The following SEPTIN4 variants were observed in gnomAD, a reference collection of about 807,000 sequenced individuals.
SEPTIN4 encodes septin-4.
Under a neutral mutation model 107.1 loss-of-function variants are expected in SEPTIN4, and 52 were observed. The observed-to-expected ratio is 0.49, with a 90% CI of 0.39 to 0.61. The LOEUF is 0.61. Ranked by LOEUF, SEPTIN4 falls within the 20% of genes least tolerant of loss-of-function variation. The probability of loss-of-function intolerance (pLI) is 0.00; values close to 1 mark genes in which losing one functional copy is unlikely to be tolerated. For missense variants in SEPTIN4, 1,048 were observed against 1,243.5 expected, an observed-to-expected ratio of 0.84 and a Z score of 2.36; for synonymous variants, 417 against 467.0, an observed-to-expected ratio of 0.89 and a Z score of 1.38.
chr17:58,524,212 G>A (rs1471155930), intron 7 of SEPTIN4, among the ~76,000 whole-genome samples: 1 of 152,118 alleles, frequency 6.6e-6, no homozygotes, highest in Non-Finnish European at 1.5e-5. Flanking sequence ...CTAAGCTGGA[G>A]GTAACGGTCA....
At position 58,531,773 on chromosome 17, in the gene SEPTIN4, A is replaced by C. The variant is rs1209240624; in HGVS notation, c.1615-4795T>G. ...CACTCCGTGGCTGCTCAGAGGGAAA[A>C]ACTTGGGAGCAGCGACGCACCGCCG... On this transcript the variant is annotated intron_variant, in intron 3 of 13. Transcript: ENST00000672673. 9.3e-6 allele frequency: 4 copies of C among 429,054 alleles called. No individual in the cohort carries two copies. In the East Asian group the frequency reaches 4.4e-4, roughly 47 times the overall value. The allele number at this position is 429,054 out of a possible 1,614,324, so 26.6% of individuals were successfully genotyped here. A position where few individuals can be genotyped will look rare whatever the true frequency, so the allele number is the denominator to read the frequency against.
In SEPTIN4 at chr17:58,543,563, T is replaced by C; in HGVS notation, c.624A>G (p.Gln208=). 3 of 1,614,196 alleles carry C rather than the reference T, an allele frequency of 1.9e-6. No homozygotes were observed. Among genetic ancestry groups the C allele is most frequent in the Non-Finnish European group, 2.5e-6 (3 of 1,180,030 alleles). ...TGATCTCACTAGTAGTCGTAATTCT[T>C]TGGATGGGCTCAGTTTGTACTGCTT... The part of the protein sequence containing the change: ...KDEAVQTEPI[Q]RITTTSEIRS... The change falls in exon 1 of 14, where the codon CAA becomes CAG. Residue 208 remains glutamine (Q), a synonymous_variant. Coordinates refer to ENST00000672673, the MANE Select transcript of SEPTIN4 (RefSeq NM_001368771.2).
chr17:58,525,333 C>T lies in SEPTIN4; in HGVS notation c.2093-132G>A, dbSNP rs575368267. The T allele has an allele frequency of 5.5e-6, 6 of 1,091,640 alleles. No individual in the cohort carries two copies. In the African/African-American group the frequency reaches 9.4e-5, roughly 17 times the overall value. 67.6% of individuals were successfully genotyped at this position (1,091,640 alleles called of 1,614,324 possible). A position where few individuals can be genotyped will look rare whatever the true frequency, so the allele number is the denominator to read the frequency against. On this transcript the variant is annotated intron_variant, in intron 6 of 13. Transcript: ENST00000672673. ...GCCCCCTTCTCCACTCCCAAGCTGT[C>T]TGGGGGACTGTTCTCTGGGAACCAG...
intron 5 of SEPTIN4, 164 bp from the exon 6 acceptor site, chr17:58,525,945 T>A (rs1167598588): frequency 2.3e-6 from 2 of 867,372 alleles, no homozygotes; most frequent in South Asian, 1.8e-5. Flanking sequence ...AGAGATTGGC[T>A]TGGGGGAGCA....
In SEPTIN4 at chr17:58,526,796, G is replaced by C. The variant is rs143848009; in HGVS notation, c.1797C>G (p.Pro599=). 3.9e-4 allele frequency: 636 copies of C among 1,613,498 alleles called. 1 individual carries two copies. The highest frequency in any genetic ancestry group is 9.9e-4 in the Middle Eastern group (6 of 6,076). ...GGTTGTCAGAGGACTGGGGCCGCGA[G>C]GGGGGTCTGAACTCCAGGTCATCAT... ...LYDDDLEFRP[P]SRPQSSDNQQ... Residue 599 remains proline, a synonymous_variant, in exon 4 of 14, where the codon CCC becomes CCG. Coordinates refer to ENST00000672673, the MANE Select transcript of SEPTIN4 (RefSeq NM_001368771.2).
intron 2 of SEPTIN4, 74 bp downstream of exon 2, chr17:58,541,848 T>C: frequency 4.3e-6 from 7 of 1,614,104 alleles, no homozygotes; most frequent in Middle Eastern, 1.6e-4. Flanking sequence ...TGTAGATACA[T>C]AGATGCCACT....
rs374962187 is a variant in SEPTIN4 at position 58,526,279 on chromosome 17, G to C, written c.1946C>G (p.Pro649Arg). 3 of 1,603,724 alleles carry C rather than the reference G, an allele frequency of 1.9e-6. No homozygotes were observed. The highest frequency in any genetic ancestry group is 2.6e-6 in the Non-Finnish European group (3 of 1,175,000). Residue 649 changes from proline (P) to arginine (R), a missense_variant, in exon 5 of 14, where the codon CCC becomes CGC. This residue lies in a region of SEPTIN4 where 787 missense variants were observed against 871.8 expected (regional missense o/e 0.90). Coordinates refer to ENST00000672673, the MANE Select transcript of SEPTIN4 (RefSeq NM_001368771.2). ...CACGGACTTTCGGTGGACTTGGTTG[G>C]GGAGGGTTGCAAAGCCCACATACTC... ...DKEYVGFATL[P>R]NQVHRKSVKK...
At chr17:58,527,977 T>C (rs2144139473) in intron 3 of SEPTIN4, 1 of 985,684 alleles carries the variant, frequency 1.0e-6, no homozygotes, top group Non-Finnish European at 1.2e-6. Flanking sequence ...CCAACTCTCA[T>C]TGTCAGCTCT....
intron 6 of SEPTIN4, chr17:58,525,425 G>A: frequency 3.2e-6 from 2 of 627,836 alleles, no homozygotes; most frequent in Non-Finnish European, 5.5e-6. Flanking sequence ...CCTCTTCTCT[G>A]CTCCCGGTTT....
chr17:58,542,945 A>C lies in SEPTIN4; in HGVS notation c.1242T>G (p.Pro414=), dbSNP rs750055743. 1.9e-6 allele frequency: 3 copies of C among 1,614,048 alleles called. No individual in the cohort carries two copies. In the African/African-American group the frequency reaches 4.0e-5, roughly 22 times the overall value. Residue 414 remains proline (P), a synonymous_variant, in exon 1 of 14, where the codon CCT becomes CCG. Coordinates refer to ENST00000672673, the MANE Select transcript of SEPTIN4 (RefSeq NM_001368771.2). ...GTCCGTACCTAGGTAAGGACCGAGG[A>C]GGCAAGGGCCTAGGGGTCAGTTCCA... ...AELELTPRPL[P]PRSLPRYGPD...
rs1193581913 is a variant in SEPTIN4 at position 58,521,793 on chromosome 17, A to G, written c.2412T>C (p.Pro804=). Residue 804 remains proline, a synonymous_variant, in exon 9 of 14, where the codon CCT becomes CCC. Transcript: ENST00000672673. The surrounding 1 kb of genome is among the most constrained non-coding windows in gnomAD (Gnocchi z 6.4). ...TCAGTGTGTCTGCCTTAGCCAGGAT[A>G]GGCACGATGTTGACCCGCTGATGCA... ...KALHQRVNIV[P]ILAKADTLTP... is the part of the protein sequence containing the mutation. 4.3e-6 allele frequency: 7 copies of G among 1,614,200 alleles called. No homozygotes were observed. The highest frequency in any genetic ancestry group is 5.9e-6 in the Non-Finnish European group (7 of 1,180,034).
chr17:58,520,484 A>G lies in SEPTIN4; in HGVS notation c.2933T>C (p.Leu978Pro). 1.2e-6 allele frequency: 2 copies of G among 1,613,682 alleles called. No homozygotes were observed. Among genetic ancestry groups the G allele is most frequent in the Non-Finnish European group, 1.7e-6 (2 of 1,179,980 alleles). Residue 978 changes from leucine to proline, a missense_variant and splice_region_variant, in exon 14 of 14, where the codon CTG becomes CCG. Leu to Pro is a moderately conservative substitution (Grantham distance 98). This residue lies in a region of SEPTIN4 where 261 missense variants were observed against 371.7 expected (regional missense o/e 0.70). Coordinates refer to ENST00000672673, the MANE Select transcript of SEPTIN4 (RefSeq NM_001368771.2). ...GTGTAGCATCTCCTGCATCCGCCGC[A>G]GCTGGAATAGGCACAGGCATCAAAA... The part of the protein sequence containing the change: ...EKLIREKDEE[L>P]RRMQEMLHKI...
chr17:58,539,141 C>A (rs1258223713), intron 3 of SEPTIN4: 1 of 1,534,382 alleles, frequency 6.5e-7, no homozygotes, highest in Admixed American at 2.0e-5. Context: ...ACCAGCAGCC[C>A]AGCTGCTTGG....
At chr17:58,531,910 C>T in intron 3 of SEPTIN4, 2 of 1,131,698 alleles carry the variant, frequency 1.8e-6, no homozygotes, top group Non-Finnish European at 2.2e-6. Context: ...GCGACCGGCC[C>T]TGCGCACCCC....
At position 58,543,000 on chromosome 17, in the gene SEPTIN4, A is replaced by C; in HGVS notation, c.1187T>G (p.Leu396Arg). 1 of 1,611,976 alleles carries C rather than the reference A, an allele frequency of 6.2e-7. No individual in the cohort carries two copies. The highest frequency in any genetic ancestry group is 1.3e-5 in the African/African-American group (1 of 74,808). The stretch of plus-strand genomic sequence containing the variant: ...TGCATGGATGGAGGGCTTTTGCGAG[A>C]GTTCTGGATACCTGGGTGTAGGTCC... Reference protein sequence around the residue: ...SQGPTPRYPELSQKPSIHAEL... With the variant: ...SQGPTPRYPERSQKPSIHAEL... The change falls in exon 1 of 14, where the codon CTC becomes CGC. Residue 396 changes from leucine (L) to arginine (R), a missense_variant. Around this residue, in one of 2 missense-constraint regions of SEPTIN4, gnomAD observed 787 missense variants for 871.8 expected, o/e 0.90. Transcript: ENST00000672673.
In SEPTIN4 at chr17:58,542,895, A is replaced by C; in HGVS notation, c.1292T>G (p.Leu431Arg). The part of the protein sequence containing the change: ...YGPDSSWWPL[L>R]NPEVETPQSQ... ...TTGGGGTGTTTCAACTTCAGGATTC[A>C]GCAAGGGCCACCATGAGGAGTCAGG... is the stretch of plus-strand genomic sequence containing the variant. The change falls in exon 1 of 14, where the codon CTG (leucine) becomes CGG (arginine). Residue 431 changes from leucine to arginine, a missense_variant. Transcript: ENST00000672673. 1 of 1,614,204 alleles carries C rather than the reference A, an allele frequency of 6.2e-7. No individual in the cohort carries two copies. Among genetic ancestry groups the C allele is most frequent in the Non-Finnish European group, 8.5e-7 (1 of 1,180,034 alleles).
At chr17:58,540,765 A>G (rs1196230314) in intron 2 of SEPTIN4, 92 bp from the exon 3 acceptor site, 3 of 1,265,194 alleles carry the variant, frequency 2.4e-6, no homozygotes, top group Non-Finnish European at 3.0e-6. Context: ...GAAATTTACT[A>G]AAGATGCCCA....
chr17:58,522,518 G>A (rs1237426810), intron 7 of SEPTIN4, among the ~76,000 whole-genome samples: 1 of 151,746 alleles, frequency 6.6e-6, no homozygotes, highest in Non-Finnish European at 1.5e-5. Context: ...AAATTAGCTG[G>A]GCGTGGTGGT....
intron 3 of SEPTIN4, among the ~76,000 whole-genome samples, chr17:58,532,803 C>T (rs146428219): frequency 6.6e-6 from 1 of 152,120 alleles, no homozygotes; most frequent in Non-Finnish European, 1.5e-5. Flanking sequence ...GGTGAGATGC[C>T]GAGGGGACAG....
Sources: allele counts gnomAD v4.1 joint callset (sites outside exome capture counted in the v4.1 genomes callset), GRCh38; gene constraint gnomAD v4.1.1; regional missense constraint gnomAD v4.1.1; non-coding constraint Gnocchi (gnomAD v3.1); transcripts MANE v1.5; gene names NCBI Gene and HGNC (gene_info 2026-07-23, HGNC 2026-07-21).